Variants in ENTREP2 observed in about 807,000 individuals in gnomAD.
ENTREP2 encodes endosomal transmembrane epsin interactor 2, also known as protein ENTREP2.
chr15:29,319,521 TGGGTGAG>T, the ENTREP2 span, among the ~76,000 whole-genome samples: 1 of 152,188 alleles, frequency 6.6e-6, no homozygotes, highest in South Asian at 2.1e-4. Flanking sequence ...CATAAACCAC[TGGGTGAG>T]AAATTCATCT....
the ENTREP2 span, among the ~76,000 whole-genome samples, chr15:29,296,434 A>G: frequency 6.6e-6 from 1 of 152,180 alleles, no homozygotes. Flanking sequence ...ATTTTAAAAA[A>G]CACATGAAAT....
the ENTREP2 span, among the ~76,000 whole-genome samples, chr15:29,558,744 G>A: frequency 1.8e-4 from 1 of 5,658 alleles, no homozygotes; most frequent in African/African-American, 6.7e-4. Flanking sequence ...GCAAAACTAA[G>A]TCCTCCTCTT....
the ENTREP2 span, among the ~76,000 whole-genome samples, chr15:29,372,241 T>G: frequency 1.3e-5 from 2 of 152,142 alleles, no homozygotes; most frequent in Admixed American, 6.5e-5. Context: ...CTCAGCCTAC[T>G]CAACTGATGA....
At chr15:29,369,644 G>C in the ENTREP2 span, among the ~76,000 whole-genome samples, 1 of 151,758 alleles carries the variant, frequency 6.6e-6, no homozygotes, top group African/African-American at 2.4e-5. Flanking sequence ...TGCAAAACTA[G>C]ATAGACAGTA....
chr15:29,214,691 A>AAT, the ENTREP2 span, among the ~76,000 whole-genome samples: 77 of 55,486 alleles, frequency 1.4e-3, no homozygotes, highest in Admixed American at 4.4e-3. Flanking sequence ...GTATAATAAT[A>AAT]AAAAAAAAAA....
chr15:29,190,264 G>GCCCTCTGCC, the ENTREP2 span, among the ~76,000 whole-genome samples: 4 of 152,126 alleles, frequency 2.6e-5, no homozygotes, highest in Non-Finnish European at 5.9e-5. Flanking sequence ...TCCCCTCTGT[G>GCCCTCTGCC]CCCTCTGCCC....
the ENTREP2 span, among the ~76,000 whole-genome samples, chr15:29,206,162 A>T: frequency 6.6e-6 from 1 of 152,222 alleles, no homozygotes; most frequent in African/African-American, 2.4e-5. Context: ...TGGGAAGCCC[A>T]GGATTAAAAC....
chr15:29,296,830 A>AT, the ENTREP2 span, among the ~76,000 whole-genome samples: 1 of 152,184 alleles, frequency 6.6e-6, no homozygotes, highest in Non-Finnish European at 1.5e-5. Flanking sequence ...GAGCAGGTCT[A>AT]TCTCAGCTCT....
the ENTREP2 span, among the ~76,000 whole-genome samples, chr15:29,504,408 G>A: frequency 2.0e-5 from 3 of 152,210 alleles, no homozygotes; most frequent in African/African-American, 4.8e-5. Context: ...AACCATTTGT[G>A]TGATGTTTTG....
the ENTREP2 span, among the ~76,000 whole-genome samples, chr15:29,540,812 A>T: frequency 1.3e-5 from 2 of 152,240 alleles, no homozygotes; most frequent in African/African-American, 4.8e-5. Flanking sequence ...TCACACAGTT[A>T]ATACCACTGG....
At chr15:29,348,620 G>A in the ENTREP2 span, among the ~76,000 whole-genome samples, 1 of 152,198 alleles carries the variant, frequency 6.6e-6, no homozygotes. Context: ...AGCTTTGAAA[G>A]GTTCGCAAAA....
At chr15:29,134,071 C>T in the ENTREP2 span, among the ~76,000 whole-genome samples, 3 of 152,156 alleles carry the variant, frequency 2.0e-5, no homozygotes, top group Non-Finnish European at 4.4e-5. Flanking sequence ...GGCCTGACAT[C>T]ATGACAGGTG....
At chr15:29,196,339 C>T in the ENTREP2 span, 11 of 1,432,038 alleles carry the variant, frequency 7.7e-6, no homozygotes, top group African/African-American at 1.6e-4. Flanking sequence ...AAGTTAAGAG[C>T]TGAAAGGAAT....
the ENTREP2 span, among the ~76,000 whole-genome samples, chr15:29,162,225 C>T: frequency 2.6e-5 from 4 of 152,108 alleles, no homozygotes; most frequent in African/African-American, 4.8e-5. Context: ...AGGAGGGCAG[C>T]CAGAGGAGCG....
At chr15:29,480,304 T>C in the ENTREP2 span, among the ~76,000 whole-genome samples, 6 of 109,122 alleles carry the variant, frequency 5.5e-5, no homozygotes, top group Non-Finnish European at 1.0e-4. Flanking sequence ...CAGACAAGTG[T>C]CCAAAAATGT....
the ENTREP2 span, among the ~76,000 whole-genome samples, chr15:29,535,455 AG>A: frequency 1.3e-5 from 2 of 151,948 alleles, no homozygotes; most frequent in African/African-American, 4.8e-5. Context: ...AGGCTAAGGC[AG>A]GGGGACTGCT....
the ENTREP2 span, among the ~76,000 whole-genome samples, chr15:29,309,784 G>T: frequency 1.7e-5 from 2 of 119,254 alleles, no homozygotes; most frequent in Non-Finnish European, 1.7e-5. Flanking sequence ...GTAAGACTCT[G>T]TCTCAAAAAA....
the ENTREP2 span, among the ~76,000 whole-genome samples, chr15:29,557,865 A>T: frequency 6.6e-6 from 1 of 152,170 alleles, no homozygotes; most frequent in Non-Finnish European, 1.5e-5. Context: ...TTATTCCCAG[A>T]AACCTGTGCC....
chr15:29,159,003 T>C, the ENTREP2 span, among the ~76,000 whole-genome samples: 2 of 152,332 alleles, frequency 1.3e-5, no homozygotes, highest in South Asian at 2.1e-4. Context: ...ACATATAGCC[T>C]ACACGTTAAA....
Sources: gnomAD v4.1 joint callset for allele counts (sites outside exome capture counted in the v4.1 genomes callset) on GRCh38, gnomAD v4.1.1 for gene constraint, MANE v1.5 for transcripts, NCBI Gene and HGNC (gene_info 2026-07-23, HGNC 2026-07-21) for gene names.